NBEAL1: variants seen among roughly 807,000 people sequenced by gnomAD.
NBEAL1 encodes the protein neurobeachin like 1, also known as neurobeachin-like protein 1.
Under a neutral mutation model 351.3 loss-of-function variants are expected in NBEAL1, and 273 were observed. That is an observed-to-expected ratio of 0.78 (90% CI 0.70 to 0.86). NBEAL1 has a LOEUF of 0.86. Ranked by LOEUF, NBEAL1 falls within the 40% of genes least tolerant of loss-of-function variation. NBEAL1 has a pLI of 0.00. For synonymous variants in NBEAL1, 1,050 were observed against 1,086.4 expected (o/e 0.97, Z 0.66); for missense variants, 2,961 against 3,201.3 (o/e 0.92, Z 1.81).
intron 43 of NBEAL1, 73 bp from the exon 44 acceptor site, chr2:203,183,203 CCCT>C (rs1348117786): frequency 3.1e-5 from 22 of 711,722 alleles, no homozygotes; most frequent in Non-Finnish European, 5.0e-5. Flanking sequence ...TAGGAATGTG[CCCT>C]CATTAGTGTT....
rs527287460 is a variant in NBEAL1, at chr2:203,080,505, A to G, written c.684+2668A>G. The stretch of plus-strand genomic sequence containing the variant: ...GTTTTCTCTCTGTATGTTTTTTTTC[A>G]TTGCATGGCCCTTATGCTCAATGGC... On this transcript the variant is annotated intron_variant, in intron 8 of 55. Transcript: ENST00000683969. Among the ~76,000 whole-genome samples the G allele has an allele frequency of 3.3e-5, 5 of 151,696 alleles. No homozygotes were observed. In the South Asian group the frequency reaches 1.0e-3, roughly 32 times the overall value.
rs148480169 is a variant in NBEAL1 at position 203,171,308 on chromosome 2, A to G, written c.6103-620A>G. Among the ~76,000 whole-genome samples, 935 of 152,154 alleles carry G rather than the reference A, an allele frequency of 6.1e-3. 7 individuals carry two copies. Among genetic ancestry groups the G allele is most frequent in the Middle Eastern group, 0.02 (6 of 294 alleles). ...ATGAAATAATAAAATAAAATGTGAA[A>G]TTTTAAGACATTTATTCTGGGCATG... is the stretch of plus-strand genomic sequence containing the variant. On this transcript the variant is annotated intron_variant, in intron 39 of 55. Transcript: ENST00000683969.
intron 1 of NBEAL1, among the ~76,000 whole-genome samples, 182 bp downstream of exon 1, chr2:203,015,164 G>A (rs995746415): frequency 6.6e-5 from 10 of 152,194 alleles, no homozygotes; most frequent in Admixed American, 5.9e-4. Context: ...GAGACGCCGA[G>A]TCCGCATTCC....
At chr2:203,142,535 T>C (rs962909607) in intron 31 of NBEAL1, among the ~76,000 whole-genome samples, 17 of 152,238 alleles carry the variant, frequency 1.1e-4, no homozygotes, top group Non-Finnish European at 2.4e-4. Flanking sequence ...AAGCAATATA[T>C]GTATGTAATA....
In NBEAL1 at chr2:203,130,363, C is replaced by T. The variant is rs1322020348; in HGVS notation, c.3451C>T (p.Pro1151Ser). 2 of 1,533,180 alleles carry T rather than the reference C, an allele frequency of 1.3e-6. No homozygotes were observed. Among genetic ancestry groups the T allele is most frequent in the Admixed American group, 2.2e-5 (1 of 45,960 alleles). The allele number at this position is 1,533,180 out of a possible 1,614,324, so 95.0% of individuals were successfully genotyped here. Reference sequence around the variant, plus strand: ...GCTCTTCAGTCTCCTACGTACCAGCCCAACCAGAGGTCAGCTTTTCTTACT... The same window carrying T: ...GCTCTTCAGTCTCCTACGTACCAGCTCAACCAGAGGTCAGCTTTTCTTACT... The part of the protein sequence containing the change: ...DVLFSLLRTS[P>S]TRGQLFLLLF... Residue 1151 changes from proline to serine, a missense_variant, in exon 25 of 56, where the codon CCA (proline) becomes TCA (serine). By Grantham distance (74) the Pro-to-Ser change is moderately conservative (BLOSUM62 -1). Coordinates refer to ENST00000683969, the MANE Select transcript of NBEAL1 (RefSeq NM_001378026.1).
chr2:203,177,778 G>A (rs747514034), intron 42 of NBEAL1, among the ~76,000 whole-genome samples: 7 of 152,124 alleles, frequency 4.6e-5, no homozygotes, highest in Admixed American at 1.3e-4. Context: ...CAGCACATTG[G>A]GAGGCTGAGG....
chr2:203,193,138 A>G, intron 46 of NBEAL1, among the ~76,000 whole-genome samples: 1 of 150,968 alleles, frequency 6.6e-6, no homozygotes, highest in Non-Finnish European at 1.5e-5. Flanking sequence ...CGCCTGACCA[A>G]TTTTTGTATT....
intron 12 of NBEAL1, among the ~76,000 whole-genome samples, chr2:203,103,739 G>T (rs544285220): frequency 6.6e-6 from 1 of 152,102 alleles, no homozygotes; most frequent in African/African-American, 2.4e-5. Context: ...TGATGTGGGC[G>T]TTTAGTGCTA....
At chr2:203,167,472 AGG>A in intron 38 of NBEAL1, 112 bp downstream of exon 38, 1 of 1,079,558 alleles carries the variant, frequency 9.3e-7, no homozygotes, top group African/African-American at 1.6e-5. Flanking sequence ...AAAATGTTAG[AGG>A]AAAAAATACA....
Position 203,083,391 on chromosome 2 carries a change from A to G in NBEAL1, c.857A>G (p.Gln286Arg), listed in dbSNP as rs758987081. 1.3e-6 allele frequency: 2 copies of G among 1,555,486 alleles called. No homozygotes were observed. The highest frequency in any genetic ancestry group is 1.4e-5 in the African/African-American group (1 of 73,808). Residue 286 changes from glutamine to arginine, a missense_variant, in exon 9 of 56, where the codon CAG becomes CGG. Transcript: ENST00000683969. ...ATCCTTCTCAGTAGCAACTCTGATCAGCGTCAAGTGGAAACCAGTACTATT... is the reference window on the plus strand; with the variant it reads ...ATCCTTCTCAGTAGCAACTCTGATCGGCGTCAAGTGGAAACCAGTACTATT... Reference protein sequence around the residue: ...VHILLSSNSDQRQVETSTILE... With the variant: ...VHILLSSNSDRRQVETSTILE...
At chr2:203,194,787 C>T (rs946304716) in intron 47 of NBEAL1, among the ~76,000 whole-genome samples, 3 of 152,152 alleles carry the variant, frequency 2.0e-5, no homozygotes, top group Non-Finnish European at 4.4e-5. Flanking sequence ...TTGTAAAACC[C>T]TGCATTGCAA....
intron 2 of NBEAL1, among the ~76,000 whole-genome samples, chr2:203,037,017 A>G (rs961073481): frequency 6.7e-6 from 1 of 149,338 alleles, no homozygotes; most frequent in Non-Finnish European, 1.5e-5. Context: ...TGGACATGTA[A>G]AAAGCAAGTA....
chr2:203,176,912 G>A (rs2064522164), intron 42 of NBEAL1, among the ~76,000 whole-genome samples: 1 of 152,018 alleles, frequency 6.6e-6, no homozygotes, highest in South Asian at 2.1e-4. Flanking sequence ...AACACTTTGG[G>A]AGGCCAGGTC....
chr2:203,190,884 G>C, intron 46 of NBEAL1: 1 of 1,611,424 alleles, frequency 6.2e-7, no homozygotes, highest in Non-Finnish European at 8.5e-7. Context: ...TCGGCCCCCT[G>C]GGTCTGTCTC....
chr2:203,025,638 T>C (rs1175634694), intron 2 of NBEAL1, among the ~76,000 whole-genome samples: 1 of 152,196 alleles, frequency 6.6e-6, no homozygotes, highest in Admixed American at 6.5e-5. Context: ...TCCAAAACTC[T>C]CATCCAATCA....
chr2:203,060,601 C>A (rs983559319), intron 6 of NBEAL1, among the ~76,000 whole-genome samples: 2 of 152,190 alleles, frequency 1.3e-5, no homozygotes, highest in Admixed American at 1.3e-4. Flanking sequence ...AAACCACTAC[C>A]TATTAAACTC....
At chr2:203,067,105 T>C (rs2061606277) in intron 6 of NBEAL1, among the ~76,000 whole-genome samples, 1 of 151,750 alleles carries the variant, frequency 6.6e-6, no homozygotes, top group South Asian at 2.1e-4. Flanking sequence ...CGCTCCTCAC[T>C]TCCCAGGCGG....
intron 9 of NBEAL1, 75 bp from the exon 10 acceptor site, chr2:203,084,388 A>G (rs2061927227): frequency 3.1e-6 from 2 of 644,660 alleles, no homozygotes; most frequent in African/African-American, 1.9e-5. Context: ...TTAAAAAGAA[A>G]AATGATTAGA....
At chr2:203,145,241 A>C in intron 33 of NBEAL1, 81 bp downstream of exon 33, 2 of 1,163,032 alleles carry the variant, frequency 1.7e-6, no homozygotes, top group Admixed American at 5.8e-5. Context: ...TACAGGCCCC[A>C]AACTTTAAAA....
Sources: gnomAD v4.1 joint callset for allele counts (sites outside exome capture counted in the v4.1 genomes callset) on GRCh38, gnomAD v4.1.1 for gene constraint, MANE v1.5 for transcripts, NCBI Gene and HGNC (gene_info 2026-07-23, HGNC 2026-07-21) for gene names.